Variants in CPLX4 observed in about 807,000 individuals in gnomAD.
CPLX4 encodes the protein complexin 4.
CPLX4 carries 17 observed loss-of-function variants against 16.1 expected under a neutral mutation model. The observed-to-expected ratio is 1.06, with a 90% CI of 0.72 to 1.59. CPLX4 has a LOEUF of 1.59. Among genes scored for constraint, CPLX4 ranks in the 40% most tolerant of loss-of-function variants. The pLI is 0.00. For missense variants in CPLX4, 193 were observed against 192.9 expected, an observed-to-expected ratio of 1.00 and a Z score of 0.00; for synonymous variants, 55 against 57.8, an observed-to-expected ratio of 0.95 and a Z score of 0.22.
At chr18:59,308,801 G>A (rs1001972527) in intron 2 of CPLX4, among the ~76,000 whole-genome samples, 4 of 152,190 alleles carry the variant, frequency 2.6e-5, no homozygotes, top group African/African-American at 7.2e-5. Context: ...AAACGTGTCT[G>A]TCCCCCGCAG....
intron 1 of CPLX4, 132 bp downstream of exon 1, chr18:59,318,164 T>C: frequency 1.4e-6 from 2 of 1,405,592 alleles, no homozygotes; most frequent in Non-Finnish European, 1.9e-6. Flanking sequence ...CAACCTTTCC[T>C]TGGGTTAGAG....
chr18:59,298,438 A>G (rs1278337728), intron 2 of CPLX4, among the ~76,000 whole-genome samples: 2 of 152,220 alleles, frequency 1.3e-5, no homozygotes, highest in South Asian at 2.1e-4. Context: ...AAGATTAAAA[A>G]GAGTGTCAGA....
Position 59,314,760 on chromosome 18 carries a change from C to A in CPLX4, c.168-1988G>T, listed in dbSNP as rs190300502. 2.2e-4 allele frequency among the ~76,000 whole-genome samples: 33 copies of A among 152,314 alleles called. 1 individual carries two copies. The highest frequency in any genetic ancestry group is 2.0e-3 in the Admixed American group (31 of 15,298). On this transcript the variant is annotated intron_variant, in intron 1 of 2. Transcript: ENST00000299721. ...CTTCATAAAATGGAACCATACAGTT[C>A]ATCTTTGTGTAAGGCTTCTTTCACT...
chr18:59,301,462 C>T (rs185511162), intron 2 of CPLX4, among the ~76,000 whole-genome samples: 25 of 152,366 alleles, frequency 1.6e-4, no homozygotes, highest in African/African-American at 5.8e-4. Flanking sequence ...TGGCCCTCCA[C>T]CAGAGCATGG....
intron 1 of CPLX4, among the ~76,000 whole-genome samples, chr18:59,314,585 T>A (rs2070640307): frequency 6.6e-6 from 1 of 152,164 alleles, no homozygotes; most frequent in Non-Finnish European, 1.5e-5. Context: ...AGCACACACC[T>A]GTGTAACCCA....
At position 59,317,807 on chromosome 18, in the gene CPLX4, T is replaced by C. The variant is rs1032828401; in HGVS notation, c.167+489A>G. Among the ~76,000 whole-genome samples, 14 of 150,116 alleles carry C rather than the reference T, an allele frequency of 9.3e-5. No homozygotes were observed. In the East Asian group the frequency reaches 2.7e-3, roughly 29 times the overall value. ...CAAGTCTTATGACATAATTGTCATG[T>C]TATGCTTCCTGGGTTTTTTTTTTTT... On this transcript the variant is annotated intron_variant, in intron 1 of 2. Coordinates refer to ENST00000299721, the MANE Select transcript of CPLX4 (RefSeq NM_181654.4).
intron 2 of CPLX4, among the ~76,000 whole-genome samples, chr18:59,306,749 G>C (rs1448761828): frequency 6.6e-6 from 1 of 152,160 alleles, no homozygotes. Flanking sequence ...TCTCAAATCT[G>C]CTCCCCGTCG....
At chr18:59,307,643 C>T (rs1295427092) in intron 2 of CPLX4, among the ~76,000 whole-genome samples, 1 of 152,166 alleles carries the variant, frequency 6.6e-6, no homozygotes, top group Non-Finnish European at 1.5e-5. Context: ...TCAATCACAT[C>T]TCTTAGTGAC....
intron 2 of CPLX4, among the ~76,000 whole-genome samples, chr18:59,298,842 G>A (rs1055356915): frequency 1.3e-5 from 2 of 152,210 alleles, no homozygotes; most frequent in Non-Finnish European, 2.9e-5. Context: ...AAGCCCAGCT[G>A]CCTTTCCTCA....
At chr18:59,302,200 A>G (rs2144181159) in intron 2 of CPLX4, among the ~76,000 whole-genome samples, 1 of 152,382 alleles carries the variant, frequency 6.6e-6, no homozygotes, top group Non-Finnish European at 1.5e-5. Context: ...CTGCAATTCA[A>G]ACAATGAATG....
intron 2 of CPLX4, among the ~76,000 whole-genome samples, chr18:59,305,948 GGAGA>G (rs1194852179): frequency 3.3e-5 from 5 of 152,256 alleles, no homozygotes; most frequent in Non-Finnish European, 5.9e-5. Context: ...TGCAAGCTGA[GGAGA>G]GAGAGGGCTT....
chr18:59,305,986 C>T (rs2070574550), intron 2 of CPLX4, among the ~76,000 whole-genome samples: 1 of 152,138 alleles, frequency 6.6e-6, no homozygotes, highest in African/African-American at 2.4e-5. Context: ...ATCACCAGTG[C>T]TAGAAGAAAC....
intron 2 of CPLX4, among the ~76,000 whole-genome samples, chr18:59,308,508 T>TC (rs1485247723): frequency 6.6e-6 from 1 of 151,662 alleles, no homozygotes; most frequent in African/African-American, 2.4e-5. Flanking sequence ...TTGTTTTGTT[T>TC]TCCCCCCCAT....
At position 59,296,727 on chromosome 18, in the gene CPLX4, T is replaced by C. The variant is rs1221342047; in HGVS notation, c.454A>G (p.Thr152Ala). ...AQATFTEIKQ[T>A]AEQKCSVM Reference sequence around the variant, plus strand: ...ATCACGGAACACTTCTGCTCCGCTGTCTGCTTGATTTCAGTGAAGGTGGCC... The same window carrying C: ...ATCACGGAACACTTCTGCTCCGCTGCCTGCTTGATTTCAGTGAAGGTGGCC... The change falls in exon 3 of 3, where the codon ACA becomes GCA. Residue 152 changes from threonine to alanine, a missense_variant. Coordinates refer to ENST00000299721, the MANE Select transcript of CPLX4 (RefSeq NM_181654.4). The C allele has an allele frequency of 3.1e-6, 5 of 1,608,744 alleles. No homozygotes were observed. In the South Asian group the frequency reaches 5.5e-5, roughly 18 times the overall value.
In CPLX4 at chr18:59,306,431, C is replaced by T. The variant is rs541934789; in HGVS notation, c.255+6254G>A. 8.1e-4 allele frequency among the ~76,000 whole-genome samples: 124 copies of T among 152,288 alleles called. 1 individual carries two copies. In the Middle Eastern group the frequency reaches 0.01, roughly 13 times the overall value. On this transcript the variant is annotated intron_variant, in intron 2 of 2. Transcript: ENST00000299721. ...AGATTACTGCAATTTGATTACTGCC[C>T]TTATTTAATTACTTATCTGATTACC...
intron 2 of CPLX4, among the ~76,000 whole-genome samples, chr18:59,297,468 C>CG (rs1382926698): frequency 6.6e-6 from 1 of 151,964 alleles, no homozygotes; most frequent in Non-Finnish European, 1.5e-5. Context: ...TTAGTAGAGA[C>CG]GGGGTTTCAC....
chr18:59,308,659 G>GA, intron 2 of CPLX4, among the ~76,000 whole-genome samples: 1 of 151,950 alleles, frequency 6.6e-6, no homozygotes, highest in Non-Finnish European at 1.5e-5. Context: ...GCGGCGCTAG[G>GA]AACACCAGGG....
chr18:59,301,832 G>A (rs544961134), intron 2 of CPLX4, among the ~76,000 whole-genome samples: 20 of 152,336 alleles, frequency 1.3e-4, no homozygotes, highest in African/African-American at 4.8e-4. Flanking sequence ...ATGACCTTGG[G>A]CAAGTCAACT....
intron 2 of CPLX4, among the ~76,000 whole-genome samples, chr18:59,311,807 G>T (rs2144190153): frequency 6.6e-6 from 1 of 152,270 alleles, no homozygotes; most frequent in East Asian, 1.9e-4. Flanking sequence ...GTACCTCCAA[G>T]ACGTGTTCCA....
Sources: allele counts gnomAD v4.1 joint callset (sites outside exome capture counted in the v4.1 genomes callset), GRCh38; gene constraint gnomAD v4.1.1; transcripts MANE v1.5; gene names NCBI Gene and HGNC (gene_info 2026-07-23, HGNC 2026-07-21).